FSD2: variants seen among roughly 807,000 people sequenced by gnomAD.
FSD2 encodes fibronectin type III and SPRY domain containing 2, also known as fibronectin type III and SPRY domain-containing protein 2.
A neutral mutation model predicts 80.4 loss-of-function variants in FSD2; 71 were observed. That is an observed-to-expected ratio of 0.88 (90% confidence interval 0.73 to 1.08). FSD2 has a LOEUF of 1.08. Among genes scored for constraint, FSD2 ranks in the 50% least tolerant of loss-of-function variants. The pLI is 0.00. For missense variants in FSD2, 923 were observed against 913.8 expected (o/e 1.01, Z -0.13); for synonymous variants, 361 against 329.5 (o/e 1.10, Z -1.03).
rs2049393286 is a variant in FSD2 at position 82,765,446 on chromosome 15, G to T, written c.1688-148C>A. ...CGTCCAGTTAACAAGGATGGCAATT[G>T]ACACTCATCGGGCAGTCTTGTGTGC... On this transcript the variant is annotated intron_variant, in intron 10 of 12. Transcript: ENST00000334574. The T allele has an allele frequency of 4.1e-6, 4 of 979,454 alleles. No homozygotes were observed. The South Asian group carries it at 6.3e-5, about 16-fold the overall frequency. 60.7% of individuals were successfully genotyped at this position (979,454 alleles called of 1,614,324 possible). A position where few individuals can be genotyped will look rare whatever the true frequency, so the allele number is the denominator to read the frequency against.
intron 6 of FSD2, 36 bp from the exon 7 acceptor site, chr15:82,772,264 A>T: frequency 6.4e-7 from 1 of 1,572,734 alleles, no homozygotes; most frequent in East Asian, 2.3e-5. Context: ...AGGAACCTCT[A>T]ATAGAGGTGT....
chr15:82,778,834 T>C lies in FSD2; in HGVS notation c.1043A>G (p.Glu348Gly). 2.5e-6 allele frequency: 4 copies of C among 1,613,940 alleles called. No homozygotes were observed. The highest frequency in any genetic ancestry group is 3.4e-6 in the Non-Finnish European group (4 of 1,179,870). Residue 348 changes from glutamate to glycine, a missense_variant, in exon 6 of 13, where the codon GAG (glutamate) becomes GGG (glycine). Physicochemically the swap from Glu to Gly is moderately conservative, Grantham distance 98. Coordinates refer to ENST00000334574, the MANE Select transcript of FSD2 (RefSeq NM_001007122.4). ...KTDVEISAQP[E>G]FEDQTLDFSD... is the part of the protein sequence containing the mutation. ...GAAATCCAAGGTCTGGTCTTCAAAC[T>C]CAGGCTGTGCAGAGATTTCCACGTC...
In FSD2 at chr15:82,780,245, C is replaced by A. The variant is rs1231602127; in HGVS notation, c.989G>T (p.Arg330Ile). 2 of 1,504,750 alleles carry A rather than the reference C, an allele frequency of 1.3e-6. No individual in the cohort carries two copies. Among genetic ancestry groups the A allele is most frequent in the East Asian group, 2.5e-5 (1 of 39,366 alleles). The allele number at this position is 1,504,750 out of a possible 1,614,324, so 93.2% of individuals were successfully genotyped here. A position where few individuals can be genotyped will look rare whatever the true frequency, so the allele number is the denominator to read the frequency against. The change falls in exon 5 of 13, where the codon AGA (arginine) becomes ATA (isoleucine). Residue 330 changes from arginine to isoleucine, a missense_variant and splice_region_variant. Coordinates refer to ENST00000334574, the MANE Select transcript of FSD2 (RefSeq NM_001007122.4). ...FIKDAVAMAD[R>I]LGKFLKTKTD... ...ATACATACTAGAACAAATGTATTAC[C>A]TGTCAGCCATAGCCACTGCATCCTA...
chr15:82,770,693 A>T (rs1009129328), intron 7 of FSD2, among the ~76,000 whole-genome samples: 1 of 151,288 alleles, frequency 6.6e-6, no homozygotes, highest in Non-Finnish European at 1.5e-5. Flanking sequence ...TAATAAATAA[A>T]TAATAAATGT....
At chr15:82,798,329 A>AGC (rs2050327832) in intron 1 of FSD2, among the ~76,000 whole-genome samples, 2 of 152,140 alleles carry the variant, frequency 1.3e-5, no homozygotes, top group African/African-American at 4.8e-5. Context: ...TGGGTGACAG[A>AGC]GCAAGACCCT....
At chr15:82,798,990 A>C (rs1250973774) in intron 1 of FSD2, among the ~76,000 whole-genome samples, 4 of 141,146 alleles carry the variant, frequency 2.8e-5, no homozygotes, top group Admixed American at 7.6e-5. Flanking sequence ...CAATCCTCCC[A>C]CCTCAGCCTC....
intron 1 of FSD2, among the ~76,000 whole-genome samples, chr15:82,804,929 A>C (rs1414258928): frequency 6.6e-6 from 1 of 152,214 alleles, no homozygotes; most frequent in Non-Finnish European, 1.5e-5. Flanking sequence ...TTTGGGGAGA[A>C]AGGAAAGTTG....
intron 1 of FSD2, among the ~76,000 whole-genome samples, chr15:82,805,304 C>T (rs548582605): frequency 6.6e-6 from 1 of 152,194 alleles, no homozygotes; most frequent in South Asian, 2.1e-4. Flanking sequence ...GAATTCTCTT[C>T]CCAGAAGTGA....
At chr15:82,775,916 G>A (rs933464096) in intron 6 of FSD2, among the ~76,000 whole-genome samples, 63 of 152,230 alleles carry the variant, frequency 4.1e-4, no homozygotes, top group African/African-American at 1.4e-3. Flanking sequence ...AGTGTGTTGT[G>A]TAATTTCCAC....
intron 7 of FSD2, among the ~76,000 whole-genome samples, chr15:82,771,603 T>A (rs190039062): frequency 2.4e-4 from 37 of 152,310 alleles, no homozygotes; most frequent in Admixed American, 6.5e-4. Flanking sequence ...GTGGAGCTGA[T>A]CACCAGCAGC....
Position 82,788,360 on chromosome 15 carries a change from C to A in FSD2, c.-78-892G>T, listed in dbSNP as rs998503777. ...AAAATACAAAAAAAAAAAAAAATGC[C>A]AGGCATAGTGGTGTGCACGTGTGGT... On this transcript the variant is annotated intron_variant, in intron 1 of 12. Coordinates refer to ENST00000334574, the MANE Select transcript of FSD2 (RefSeq NM_001007122.4). 3.0e-4 allele frequency among the ~76,000 whole-genome samples: 45 copies of A among 150,636 alleles called. No individual in the cohort carries two copies. The South Asian group carries it at 8.6e-3, about 29-fold the overall frequency.
At chr15:82,803,824 C>G (rs1325467882) in intron 1 of FSD2, among the ~76,000 whole-genome samples, 4 of 152,160 alleles carry the variant, frequency 2.6e-5, no homozygotes, top group African/African-American at 9.7e-5. Flanking sequence ...TCACTGCCCT[C>G]TGGATTCAGA....
intron 1 of FSD2, among the ~76,000 whole-genome samples, chr15:82,789,526 C>T (rs979691793): frequency 2.0e-5 from 3 of 152,282 alleles, no homozygotes; most frequent in Admixed American, 6.5e-5. Flanking sequence ...GATGAGTCAA[C>T]TGTGTCTCAG....
At chr15:82,776,110 C>T (rs770305703) in intron 6 of FSD2, among the ~76,000 whole-genome samples, 1 of 152,038 alleles carries the variant, frequency 6.6e-6, no homozygotes. Flanking sequence ...CATAGTGAGA[C>T]CTCATCTCTA....
intron 10 of FSD2, among the ~76,000 whole-genome samples, 166 bp from the exon 11 acceptor site, chr15:82,765,464 T>G (rs1308176845): frequency 6.6e-6 from 1 of 152,152 alleles, no homozygotes; most frequent in Non-Finnish European, 1.5e-5. Flanking sequence ...TCGGGCAGTC[T>G]TGTGTGCCTA....
At chr15:82,776,827 A>G (rs2049724305) in intron 6 of FSD2, among the ~76,000 whole-genome samples, 1 of 152,212 alleles carries the variant, frequency 6.6e-6, no homozygotes, top group African/African-American at 2.4e-5. Flanking sequence ...TCTGATTTCA[A>G]AATATATTAC....
chr15:82,782,983 T>A lies in FSD2; in HGVS notation c.778A>T (p.Asn260Tyr), dbSNP rs2049906625. The A allele has an allele frequency of 6.2e-7, 1 of 1,613,504 alleles. No individual in the cohort carries two copies. Among genetic ancestry groups the A allele is most frequent in the Non-Finnish European group, 8.5e-7 (1 of 1,179,820 alleles). ...TGAGCAAGTGTTTCCAAGATCTCGT[T>A]GTAATGTGACTCAAAGTTTTGTTCT... ...KQEQNFESHY[N>Y]EILETLAQKY... is the part of the protein sequence containing the mutation. Residue 260 changes from asparagine (N) to tyrosine (Y), a missense_variant, in exon 4 of 13, where the codon AAC becomes TAC. By Grantham distance (143) the Asn-to-Tyr change is moderately radical (BLOSUM62 -2). Coordinates refer to ENST00000334574, the MANE Select transcript of FSD2 (RefSeq NM_001007122.4).
chr15:82,786,093 G>T (rs577208824), intron 3 of FSD2, among the ~76,000 whole-genome samples: 1 of 152,102 alleles, frequency 6.6e-6, no homozygotes, highest in Admixed American at 6.5e-5. Context: ...TCGAATAAGG[G>T]TCTAAATCAC....
intron 1 of FSD2, among the ~76,000 whole-genome samples, chr15:82,801,705 C>T (rs981107415): frequency 2.6e-5 from 4 of 152,172 alleles, no homozygotes; most frequent in African/African-American, 7.2e-5. Flanking sequence ...GACTCTAAGA[C>T]TTGGGAACAT....
Sources: gnomAD v4.1 joint callset for allele counts (sites outside exome capture counted in the v4.1 genomes callset) on GRCh38, gnomAD v4.1.1 for gene constraint, MANE v1.5 for transcripts, NCBI Gene and HGNC (gene_info 2026-07-23, HGNC 2026-07-21) for gene names.